CDK17: variants seen among roughly 807,000 people sequenced by gnomAD.
CDK17 encodes cyclin-dependent kinase 17.
A neutral mutation model predicts 77.6 loss-of-function variants in CDK17; 24 were observed. That is an observed-to-expected ratio of 0.31 (90% CI 0.22 to 0.44). The LOEUF (loss-of-function observed/expected upper bound fraction) is 0.44. Ranked by LOEUF, CDK17 falls within the 20% of genes least tolerant of loss-of-function variation. The pLI is 1.00. For missense variants in CDK17, 429 were observed against 622.5 expected, an observed-to-expected ratio of 0.69 and a Z score of 3.31; for synonymous variants, 203 against 210.4, an observed-to-expected ratio of 0.96 and a Z score of 0.30.
intron 3 of CDK17, among the ~76,000 whole-genome samples, chr12:96,317,187 A>G (rs1416845077): frequency 1.3e-5 from 2 of 150,210 alleles, no homozygotes; most frequent in Non-Finnish European, 3.0e-5. Flanking sequence ...CGATGCGATC[A>G]ACTGGAAGAA....
intron 5 of CDK17, among the ~76,000 whole-genome samples, chr12:96,304,405 T>C (rs1040183600): frequency 6.6e-6 from 1 of 152,002 alleles, no homozygotes; most frequent in African/African-American, 2.4e-5. Context: ...GGTGTGGTGG[T>C]GCATACCTAT....
intron 2 of CDK17, among the ~76,000 whole-genome samples, chr12:96,324,805 T>C (rs1233060145): frequency 6.6e-6 from 1 of 151,824 alleles, no homozygotes; most frequent in African/African-American, 2.4e-5. Context: ...TGCTTTAGAA[T>C]ATAAAAGACA....
intron 1 of CDK17, among the ~76,000 whole-genome samples, chr12:96,392,962 T>C (rs1954095619): frequency 1.3e-5 from 2 of 152,216 alleles, no homozygotes; most frequent in Non-Finnish European, 2.9e-5. Context: ...TAACGGCTAA[T>C]ACAATATTGA....
chr12:96,302,276 C>G (rs1362499158), intron 5 of CDK17, among the ~76,000 whole-genome samples: 4 of 152,056 alleles, frequency 2.6e-5, no homozygotes, highest in African/African-American at 7.2e-5. Context: ...AGCCCACTAT[C>G]TGGTACATGA....
At chr12:96,284,209 G>A (rs1409999885) in intron 13 of CDK17, among the ~76,000 whole-genome samples, 1 of 152,096 alleles carries the variant, frequency 6.6e-6, no homozygotes, top group East Asian at 1.9e-4. Context: ...AGTGGCTCAC[G>A]CCTGTAATCC....
In CDK17 at chr12:96,334,845, T is replaced by C. The variant is rs1953020402; in HGVS notation, c.-9A>G. The C allele has an allele frequency of 7.2e-7, 1 of 1,379,812 alleles. No homozygotes were observed. The highest frequency in any genetic ancestry group is 1.0e-6 in the Non-Finnish European group (1 of 967,284). 85.5% of individuals were successfully genotyped at this position (1,379,812 alleles called of 1,614,324 possible). ...CTCTTAAATTTTTTCATCCTATCAATTGAATGTGGCTTGAAAAATCCTGAA... is the reference window on the plus strand; with the variant it reads ...CTCTTAAATTTTTTCATCCTATCAACTGAATGTGGCTTGAAAAATCCTGAA... On this transcript the variant is annotated 5_prime_UTR_variant, in exon 2 of 17. Transcript: ENST00000261211.
At position 96,311,141 on chromosome 12, in the gene CDK17, T is replaced by C; in HGVS notation, c.454A>G (p.Arg152Gly). Residue 152 changes from arginine to glycine, a missense_variant, in exon 5 of 17, where the codon AGA becomes GGA. By Grantham distance (125) the Arg-to-Gly change is moderately radical. Around this residue, in one of 4 missense-constraint regions of CDK17, gnomAD observed 262 missense variants for 385.4 expected, o/e 0.68. Transcript: ENST00000261211. ...TTTTCAAGATATCCATCAGGTATTC[T>C]GATGTCTGCAGGCAGTGATAACCGC... Reference protein sequence around the residue: ...NKRLSLPADIRIPDGYLEKLQ... With the variant: ...NKRLSLPADIGIPDGYLEKLQ... The C allele has an allele frequency of 6.3e-7, 1 of 1,592,976 alleles. No homozygotes were observed. The highest frequency in any genetic ancestry group is 8.5e-7 in the Non-Finnish European group (1 of 1,174,010).
chr12:96,313,166 T>C (rs1952666114), intron 4 of CDK17, among the ~76,000 whole-genome samples, 155 bp downstream of exon 4: 1 of 152,244 alleles, frequency 6.6e-6, no homozygotes, highest in South Asian at 2.1e-4. Flanking sequence ...ATTCACAGAC[T>C]GCAATTTATG....
chr12:96,398,124 T>C (rs1341973059), intron 1 of CDK17, among the ~76,000 whole-genome samples: 1 of 134,280 alleles, frequency 7.4e-6, no homozygotes, highest in Non-Finnish European at 1.6e-5. Flanking sequence ...TAAGCTTAAA[T>C]TCAAAGACTC....
intron 4 of CDK17, 86 bp downstream of exon 4, chr12:96,313,235 G>T: frequency 9.4e-7 from 1 of 1,064,708 alleles, no homozygotes; most frequent in Non-Finnish European, 1.3e-6. Flanking sequence ...TTTTTAAATG[G>T]GCATTTACTC....
intron 5 of CDK17, among the ~76,000 whole-genome samples, chr12:96,308,321 G>C (rs1365917232): frequency 6.6e-6 from 1 of 151,800 alleles, no homozygotes; most frequent in African/African-American, 2.4e-5. Flanking sequence ...TGACATGTGA[G>C]GATTGCTTGG....
intron 5 of CDK17, among the ~76,000 whole-genome samples, chr12:96,306,812 C>G (rs1277184387): frequency 6.6e-6 from 1 of 152,178 alleles, no homozygotes; most frequent in Non-Finnish European, 1.5e-5. Flanking sequence ...CATGCCCTCC[C>G]TTCACTGACT....
At chr12:96,364,094 G>C (rs994830504) in intron 1 of CDK17, among the ~76,000 whole-genome samples, 2 of 152,034 alleles carry the variant, frequency 1.3e-5, no homozygotes, top group Admixed American at 1.3e-4. Context: ...GTGTATCAGT[G>C]GTTTCTTTAT....
intron 14 of CDK17, 42 bp downstream of exon 14, chr12:96,283,561 G>GCTTA (rs1952205906): frequency 1.6e-6 from 2 of 1,253,608 alleles, no homozygotes; most frequent in Middle Eastern, 1.9e-4. Flanking sequence ...AGAAGCTGAG[G>GCTTA]CTTAACAACC....
chr12:96,340,291 G>A (rs1466355566), intron 1 of CDK17, among the ~76,000 whole-genome samples: 1 of 151,954 alleles, frequency 6.6e-6, no homozygotes, highest in Non-Finnish European at 1.5e-5. Flanking sequence ...GAAAATCCTG[G>A]TCTATAAAGT....
At chr12:96,345,506 T>C (rs1413471084) in intron 1 of CDK17, among the ~76,000 whole-genome samples, 1 of 152,222 alleles carries the variant, frequency 6.6e-6, no homozygotes, top group Admixed American at 6.5e-5. Context: ...CTTGACATTT[T>C]AGTAATCGCC....
chr12:96,389,836 T>A (rs969160325), intron 1 of CDK17, among the ~76,000 whole-genome samples: 4 of 1,578 alleles, frequency 2.5e-3, no homozygotes, highest in African/African-American at 0.038. Flanking sequence ...TTGTTTTTTG[T>A]TTTTTTTTTT....
At position 96,400,408 on chromosome 12, in the gene CDK17, T is replaced by C. The variant is rs1305544933; in HGVS notation, c.-452A>G. ...GGCGGCCGCGTTCGCTCCTTGCGTG[T>C]GCGTCGCTTTCACACTCGGCGGCTG... On this transcript the variant is annotated 5_prime_UTR_variant, in exon 1 of 17. Coordinates refer to ENST00000261211, the MANE Select transcript of CDK17 (RefSeq NM_002595.5). 1 of 382,992 alleles carries C rather than the reference T, an allele frequency of 2.6e-6. No individual in the cohort carries two copies. The highest frequency in any genetic ancestry group is 2.1e-5 in the African/African-American group (1 of 47,904). 23.7% of individuals were successfully genotyped at this position (382,992 alleles called of 1,614,324 possible).
chr12:96,377,445 A>G (rs1256747760), intron 1 of CDK17, among the ~76,000 whole-genome samples: 2 of 152,200 alleles, frequency 1.3e-5, no homozygotes, highest in African/African-American at 2.4e-5. Flanking sequence ...AAAGGACATG[A>G]GAATTCAAAG....
Sources: allele counts gnomAD v4.1 joint callset (sites outside exome capture counted in the v4.1 genomes callset), GRCh38; gene constraint gnomAD v4.1.1; regional missense constraint gnomAD v4.1.1; transcripts MANE v1.5; gene names NCBI Gene and HGNC (gene_info 2026-07-23, HGNC 2026-07-21).